CAMK1D: variants seen among roughly 807,000 people sequenced by gnomAD.
CAMK1D encodes the protein calcium/calmodulin dependent protein kinase ID.
In CAMK1D, 9 loss-of-function variants were observed where a neutral mutation model predicts 47.7. The ratio of observed to expected loss-of-function variants is 0.19; its 90% confidence interval spans 0.11 to 0.33. CAMK1D has a LOEUF of 0.33. Among genes scored for constraint, CAMK1D ranks in the 10% least tolerant of loss-of-function variants. The probability of loss-of-function intolerance (pLI) is 1.00; values close to 1 mark genes in which losing one functional copy is unlikely to be tolerated. For synonymous variants in CAMK1D, 184 were observed against 184.9 expected, an observed-to-expected ratio of 0.99 and a Z score of 0.04; for missense variants, 291 against 488.7, an observed-to-expected ratio of 0.60 and a Z score of 3.81.
At chr10:12,769,571 A>C in intron 4 of CAMK1D, 102 bp from the exon 5 acceptor site, 2 of 1,328,284 alleles carry the variant, frequency 1.5e-6, no homozygotes, top group Non-Finnish European at 2.1e-6. Flanking sequence ...AAGGTCAAGG[A>C]CGTCCTGACG....
At chr10:12,358,287 T>C (rs1837571676) in intron 1 of CAMK1D, among the ~76,000 whole-genome samples, 1 of 152,120 alleles carries the variant, frequency 6.6e-6, no homozygotes, top group South Asian at 2.1e-4. Flanking sequence ...CCTGTAATCA[T>C]AGCACTTTGG....
intron 2 of CAMK1D, among the ~76,000 whole-genome samples, chr10:12,588,866 ATGTGTGTGTGTGTGTGTGCGTGCG>A (rs1164149659): frequency 6.9e-6 from 1 of 144,284 alleles, no homozygotes; most frequent in Non-Finnish European, 1.5e-5. Context: ...ATATGTATAT[ATGTGTGTGTGTGTGTGTGCGTGCG>A]TGTGTGTGTG....
chr10:12,781,293 C>T (rs1039744235), intron 5 of CAMK1D, among the ~76,000 whole-genome samples: 7 of 152,256 alleles, frequency 4.6e-5, no homozygotes, highest in Non-Finnish European at 8.8e-5. Context: ...GTAGGCGTCA[C>T]GCCGTGATCA....
intron 3 of CAMK1D, among the ~76,000 whole-genome samples, chr10:12,748,507 T>C (rs1383496166): frequency 6.6e-6 from 1 of 152,186 alleles, no homozygotes; most frequent in African/African-American, 2.4e-5. Flanking sequence ...CAAGAGTTCC[T>C]GGAAAAGGCT....
chr10:12,772,613 GTC>G lies in CAMK1D; in HGVS notation c.565+2816_565+2817del, dbSNP rs372749263. Reference sequence around the variant, plus strand: ...AGTGGCTGCCATCTGCGGGGTCTGAGTCTGTTGATTGCTGTGTCTGGCACTGA... The same window carrying G: ...AGTGGCTGCCATCTGCGGGGTCTGAGTGTTGATTGCTGTGTCTGGCACTGA... On this transcript the variant is annotated intron_variant, in intron 5 of 10. Transcript: ENST00000619168. Among the ~76,000 whole-genome samples the G allele has an allele frequency of 1.3e-3, 196 of 152,344 alleles. 1 individual carries two copies. Among genetic ancestry groups the G allele is most frequent in the African/African-American group, 4.4e-3 (182 of 41,568 alleles).
At chr10:12,481,194 C>T (rs997235895) in intron 1 of CAMK1D, among the ~76,000 whole-genome samples, 1 of 152,200 alleles carries the variant, frequency 6.6e-6, no homozygotes, top group African/African-American at 2.4e-5. Flanking sequence ...CTGTAAATAA[C>T]ATCACTATTG....
chr10:12,574,116 A>G lies in CAMK1D; in HGVS notation c.224+20760A>G, dbSNP rs1029260673. On this transcript the variant is annotated intron_variant, in intron 2 of 10. Transcript: ENST00000619168. ...AAACTGTTTCTTTAAAGACTTGACA[A>G]TGATTCTTGAGTTGCCAAACATCAT... Among the ~76,000 whole-genome samples, 20 of 152,280 alleles carry G rather than the reference A, an allele frequency of 1.3e-4. 1 individual carries two copies. The highest frequency in any genetic ancestry group is 6.8e-3 in the Middle Eastern group (2 of 294).
At chr10:12,547,642 C>A (rs981776739) in intron 1 of CAMK1D, among the ~76,000 whole-genome samples, 2 of 105,060 alleles carry the variant, frequency 1.9e-5, no homozygotes, top group Non-Finnish European at 3.7e-5. Context: ...CGAGGACACC[C>A]CCCCCCCAAC....
intron 1 of CAMK1D, among the ~76,000 whole-genome samples, chr10:12,469,425 G>A (rs1219063831): frequency 6.6e-6 from 1 of 151,150 alleles, no homozygotes; most frequent in Non-Finnish European, 1.5e-5. Context: ...GAGGTGTGCA[G>A]ATGGCAATAT....
At chr10:12,616,463 A>G (rs962605724) in intron 2 of CAMK1D, among the ~76,000 whole-genome samples, 2 of 152,094 alleles carry the variant, frequency 1.3e-5, no homozygotes, top group Non-Finnish European at 2.9e-5. Flanking sequence ...CTTTACGGAA[A>G]AATCCAAAGG....
At chr10:12,612,793 C>G (rs1383971911) in intron 2 of CAMK1D, among the ~76,000 whole-genome samples, 1 of 152,124 alleles carries the variant, frequency 6.6e-6, no homozygotes, top group Non-Finnish European at 1.5e-5. Context: ...CCTGAAAGTT[C>G]CATGATTTTG....
chr10:12,373,984 G>A (rs1173107905), intron 1 of CAMK1D, among the ~76,000 whole-genome samples: 1 of 142,974 alleles, frequency 7.0e-6, no homozygotes, highest in Non-Finnish European at 1.5e-5. Flanking sequence ...AAAAGTCCAG[G>A]TGCAGTGACT....
intron 2 of CAMK1D, among the ~76,000 whole-genome samples, chr10:12,641,516 G>A (rs1007485135): frequency 1.3e-5 from 2 of 151,784 alleles, no homozygotes; most frequent in Middle Eastern, 3.2e-3. Context: ...TGGTTGGAAA[G>A]CTGAGGTGGG....
intron 1 of CAMK1D, among the ~76,000 whole-genome samples, chr10:12,475,757 A>G (rs1276333152): frequency 6.7e-6 from 1 of 148,270 alleles, no homozygotes; most frequent in Non-Finnish European, 1.5e-5. Context: ...AATCATATGC[A>G]TATGATGTTA....
At chr10:12,380,345 T>A (rs1247684334) in intron 1 of CAMK1D, among the ~76,000 whole-genome samples, 1 of 152,188 alleles carries the variant, frequency 6.6e-6, no homozygotes, top group East Asian at 1.9e-4. Flanking sequence ...TGATTATAAA[T>A]ATGAGAGTAA....
intron 1 of CAMK1D, among the ~76,000 whole-genome samples, chr10:12,510,894 C>G (rs564402386): frequency 6.6e-6 from 1 of 152,204 alleles, no homozygotes; most frequent in Non-Finnish European, 1.5e-5. Context: ...ATTGATTTCT[C>G]ATTTCTTCAA....
rs1445157884 is a variant in CAMK1D, at chr10:12,756,410, C to T, written c.300-4538C>T. On this transcript the variant is annotated intron_variant, in intron 3 of 10. Transcript: ENST00000619168. ...TATTAGACTGCATTGCAGTATACCA[C>T]TGTGTCGTCAGAGCTGAGTTTTACT... 1.3e-5 allele frequency among the ~76,000 whole-genome samples: 2 copies of T among 152,226 alleles called. 1 individual carries two copies. The highest frequency in any genetic ancestry group is 3.8e-4 in the East Asian group (2 of 5,202).
chr10:12,463,379 T>C (rs538201129), intron 1 of CAMK1D, among the ~76,000 whole-genome samples: 2 of 152,170 alleles, frequency 1.3e-5, no homozygotes, highest in African/African-American at 4.8e-5. Context: ...CTCAAATGAT[T>C]CACCCACCTC....
chr10:12,404,848 C>T (rs1383867247), intron 1 of CAMK1D, among the ~76,000 whole-genome samples: 1 of 151,954 alleles, frequency 6.6e-6, no homozygotes, highest in Non-Finnish European at 1.5e-5. Context: ...GCCACCACAC[C>T]TGGCTAATTT....
Sources: allele counts gnomAD v4.1 joint callset (sites outside exome capture counted in the v4.1 genomes callset), GRCh38; gene constraint gnomAD v4.1.1; transcripts MANE v1.5; gene names NCBI Gene and HGNC (gene_info 2026-07-23, HGNC 2026-07-21).